Variants in SMYD5 observed in about 807,000 individuals in gnomAD.
The protein encoded by SMYD5 is SMYD family member 5, also known as protein-lysine N-trimethyltransferase SMYD5.
A neutral mutation model predicts 57.4 loss-of-function variants in SMYD5; 35 were observed. That is an observed-to-expected ratio of 0.61 (90% confidence interval 0.47 to 0.81). SMYD5 has a LOEUF of 0.81. SMYD5 is among the 30% of genes least tolerant of loss of function. The pLI, the probability that SMYD5 is intolerant of heterozygous loss-of-function variation, is 0.00. For missense variants in SMYD5, 471 were observed against 527.9 expected (o/e 0.89, Z 1.06); for synonymous variants, 198 against 189.7 (o/e 1.04, Z -0.36).
rs774644854 is a variant in SMYD5 at position 73,214,353 on chromosome 2, C to T, written c.87C>T (p.Ser29=). 87 of 1,613,484 alleles carry T rather than the reference C, an allele frequency of 5.4e-5. 3 individuals are homozygous for T. The South Asian group carries it at 9.2e-4, about 17-fold the overall frequency. Residue 29 remains serine, a synonymous_variant, in exon 1 of 13, where the codon AGC becomes AGT. Coordinates refer to ENST00000389501, the MANE Select transcript of SMYD5 (RefSeq NM_006062.3). ...TCTCCGTGGAAGTCCGTTTCGTGAG[C>T]AGCGCCAAGGTGAGGTCGGGGCGGG... ...ARVSVEVRFV[S]SAKGKGLFAT...
rs757556765 is a variant in SMYD5 at position 73,223,384 on chromosome 2, G to C, written c.777-42G>C. ...TGGAGGTGGAGAGCCCTGTGACCTG[G>C]GCTTCTGCCTCCCCAACCATGGGCT... is the stretch of plus-strand genomic sequence containing the variant. On this transcript the variant is annotated intron_variant, in intron 8 of 12. Transcript: ENST00000389501. 33 of 1,373,890 alleles carry C rather than the reference G, an allele frequency of 2.4e-5. 1 individual carries two copies. Among genetic ancestry groups the C allele is most frequent in the Non-Finnish European group, 3.4e-5 (33 of 961,818 alleles). The allele number at this position is 1,373,890 out of a possible 1,614,324, so 85.1% of individuals were successfully genotyped here. A position where few individuals can be genotyped will look rare whatever the true frequency, so the allele number is the denominator to read the frequency against.
chr2:73,217,453 C>T (rs991835819), intron 1 of SMYD5, among the ~76,000 whole-genome samples: 5 of 151,942 alleles, frequency 3.3e-5, no homozygotes, highest in African/African-American at 1.2e-4. Context: ...AATGTGAGTC[C>T]CTGTTCATAT....
chr2:73,224,005 T>G lies in SMYD5; in HGVS notation c.940+2T>G. On this transcript the variant is annotated splice_donor_variant, in intron 10 of 12. Coordinates refer to ENST00000389501, the MANE Select transcript of SMYD5 (RefSeq NM_006062.3). LOFTEE classifies it high-confidence loss of function. ...GCCTCTTTGTGCTTCAGAGCTGCTG[T>G]GAGTCATGGCGTTGAGGAGGGATGG... 6.2e-7 allele frequency: 1 copy of G among 1,614,048 alleles called. No individual in the cohort carries two copies. The highest frequency in any genetic ancestry group is 8.5e-7 in the Non-Finnish European group (1 of 1,179,892).
intron 12 of SMYD5, 24 bp from the exon 13 acceptor site, chr2:73,225,772 C>A: frequency 6.2e-7 from 1 of 1,613,996 alleles, no homozygotes; most frequent in Non-Finnish European, 8.5e-7. Flanking sequence ...GACTTTTCCC[C>A]CTCACCATCC....
chr2:73,225,722 T>G (rs530619720), intron 12 of SMYD5, 21 bp downstream of exon 12: 152 of 1,614,184 alleles, frequency 9.4e-5, no homozygotes, highest in Non-Finnish European at 1.5e-5. Flanking sequence ...GGGACATGGT[T>G]GTGCAGCTGG....
chr2:73,223,275 G>T, intron 8 of SMYD5, 151 bp from the exon 9 acceptor site: 4 of 818,092 alleles, frequency 4.9e-6, no homozygotes, highest in Non-Finnish European at 8.3e-6. Flanking sequence ...GTTTTGGGGA[G>T]CCTCTGTTGG....
rs146820719 is a variant in SMYD5, at chr2:73,224,318, T to C, written c.940+315T>C. The stretch of plus-strand genomic sequence containing the variant: ...GGATGCATGGGCTTTGCACCGTCAC[T>C]GCCTTGTGAGATTTGGGAGTACTGG... On this transcript the variant is annotated intron_variant, in intron 10 of 12. Coordinates refer to ENST00000389501, the MANE Select transcript of SMYD5 (RefSeq NM_006062.3). 3.2e-4 allele frequency among the ~76,000 whole-genome samples: 49 copies of C among 152,354 alleles called. 1 individual carries two copies. In the East Asian group the frequency reaches 9.5e-3, roughly 29 times the overall value.
At chr2:73,216,046 C>T (rs145335883) in intron 1 of SMYD5, among the ~76,000 whole-genome samples, 488 of 152,246 alleles carry the variant, frequency 3.2e-3, no homozygotes, top group South Asian at 0.017. Flanking sequence ...CCAGGGGCCT[C>T]AAGTGGGAGT....
In SMYD5 at chr2:73,222,955, G is replaced by C; in HGVS notation, c.706-81G>C. On this transcript the variant is annotated intron_variant, in intron 7 of 12. Coordinates refer to ENST00000389501, the MANE Select transcript of SMYD5 (RefSeq NM_006062.3). Reference sequence around the variant, plus strand: ...GGAGTTCAGATGAGCCTGACTCACAGAAGGCTTCCCAAACAGAGAGTCCAA... The same window carrying C: ...GGAGTTCAGATGAGCCTGACTCACACAAGGCTTCCCAAACAGAGAGTCCAA... 2.0e-6 allele frequency: 3 copies of C among 1,509,960 alleles called. No individual in the cohort carries two copies. The South Asian group carries it at 3.4e-5, about 17-fold the overall frequency. 93.5% of individuals were successfully genotyped at this position (1,509,960 alleles called of 1,614,324 possible). A position where few individuals can be genotyped will look rare whatever the true frequency, so the allele number is the denominator to read the frequency against.
chr2:73,222,678 T>G (rs1432035436), intron 6 of SMYD5, 77 bp from the exon 7 acceptor site: 2 of 1,261,920 alleles, frequency 1.6e-6, no homozygotes, highest in Non-Finnish European at 2.3e-6. Context: ...TTCCCTCCCC[T>G]AGTCGCCTGG....
chr2:73,219,087 T>C, intron 2 of SMYD5, 118 bp downstream of exon 2: 1 of 732,396 alleles, frequency 1.4e-6, no homozygotes, highest in Non-Finnish European at 2.4e-6. Context: ...AAATGCTGTC[T>C]TCCATTGAAG....
chr2:73,222,904 C>A, intron 7 of SMYD5, 87 bp downstream of exon 7: 1 of 1,521,976 alleles, frequency 6.6e-7, no homozygotes, highest in Non-Finnish European at 9.1e-7. Context: ...ACTGGGACAG[C>A]TGAGCCAAAG....
intron 10 of SMYD5, 99 bp downstream of exon 10, chr2:73,224,102 G>A: frequency 3.5e-6 from 4 of 1,130,150 alleles, no homozygotes; most frequent in Non-Finnish European, 5.4e-6. Context: ...CCCTTTCTAG[G>A]CTGGTAGGGT....
Position 73,227,093 on chromosome 2 carries a change from T to G in SMYD5, c.*1147T>G, listed in dbSNP as rs1480541573. 1 of 152,742 alleles carries G rather than the reference T, an allele frequency of 6.5e-6. No homozygotes were observed. The highest frequency in any genetic ancestry group is 1.5e-5 in the Non-Finnish European group (1 of 68,084). 9.5% of individuals were successfully genotyped at this position (152,742 alleles called of 1,614,324 possible). A position where few individuals can be genotyped will look rare whatever the true frequency, so the allele number is the denominator to read the frequency against. ...GGGCAGGTGCCCACCCCACAGGCCCTTTCCTGGACCATGGAGCCAGGTGAA... is the reference window on the plus strand; with the variant it reads ...GGGCAGGTGCCCACCCCACAGGCCCGTTCCTGGACCATGGAGCCAGGTGAA... On this transcript the variant is annotated 3_prime_UTR_variant, in exon 13 of 13. Coordinates refer to ENST00000389501, the MANE Select transcript of SMYD5 (RefSeq NM_006062.3).
chr2:73,222,852 T>C, intron 7 of SMYD5, 35 bp downstream of exon 7: 1 of 1,599,528 alleles, frequency 6.3e-7, no homozygotes, highest in Non-Finnish European at 8.6e-7. Context: ...GTGGCCTCCT[T>C]GTTACTCCAG....
rs548391988 is a variant in SMYD5, at chr2:73,225,135, C to T, written c.1035+175C>T. 18 of 569,992 alleles carry T rather than the reference C, an allele frequency of 3.2e-5. No individual in the cohort carries two copies. The South Asian group carries it at 3.8e-4, about 12-fold the overall frequency. 35.3% of individuals were successfully genotyped at this position (569,992 alleles called of 1,614,324 possible). A position where few individuals can be genotyped will look rare whatever the true frequency, so the allele number is the denominator to read the frequency against. ...ATGGTTAGGTTCTAACCCTACCTCG[C>T]TTTTTCAAAATATGACTCCAGAAAG... On this transcript the variant is annotated intron_variant, in intron 11 of 12. Coordinates refer to ENST00000389501, the MANE Select transcript of SMYD5 (RefSeq NM_006062.3).
intron 9 of SMYD5, 100 bp downstream of exon 9, chr2:73,223,632 G>T: frequency 1.2e-6 from 1 of 852,030 alleles, no homozygotes; most frequent in East Asian, 2.5e-5. Context: ...ATTAATGGTG[G>T]GGGAAGGTAA....
Position 73,214,289 on chromosome 2 carries a change from T to C in SMYD5, c.23T>C (p.Val8Ala). The C allele has an allele frequency of 6.2e-7, 1 of 1,613,752 alleles. No individual in the cohort carries two copies. Among genetic ancestry groups the C allele is most frequent in the Non-Finnish European group, 8.5e-7 (1 of 1,179,882 alleles). The change falls in exon 1 of 13, where the codon GTG becomes GCG. Residue 8 changes from valine (V) to alanine (A), a missense_variant. Coordinates refer to ENST00000389501, the MANE Select transcript of SMYD5 (RefSeq NM_006062.3). MAASMCDVFSFCVGVAGR... is the reference protein window; with the variant it reads MAASMCDAFSFCVGVAGR... ...AAGATGGCGGCCTCCATGTGCGACG[T>C]GTTCTCCTTCTGCGTGGGCGTGGCG...
intron 1 of SMYD5, chr2:73,214,703 G>T: frequency 7.2e-7 from 1 of 1,381,834 alleles, no homozygotes; most frequent in Non-Finnish European, 9.6e-7. Context: ...AGAGAGAACT[G>T]AGGTGTAAAA....
Sources: allele counts gnomAD v4.1 joint callset (sites outside exome capture counted in the v4.1 genomes callset), GRCh38; gene constraint gnomAD v4.1.1; transcripts MANE v1.5; gene names NCBI Gene and HGNC (gene_info 2026-07-23, HGNC 2026-07-21).